The following SBF2 variants were observed in gnomAD, a reference collection of about 807,000 sequenced individuals.
SBF2 encodes the protein SET binding factor 2.
In SBF2, 112 loss-of-function variants were observed where a neutral mutation model predicts 225.2. The ratio of observed to expected loss-of-function variants is 0.50; its 90% confidence interval spans 0.43 to 0.58. The LOEUF is 0.58. SBF2 is among the 20% of genes least tolerant of loss of function. SBF2 has a pLI of 0.00. For synonymous variants in SBF2, 763 were observed against 773.3 expected (o/e 0.99, Z 0.22); for missense variants, 1,996 against 2,206.2 (o/e 0.90, Z 1.91).
intron 15 of SBF2, among the ~76,000 whole-genome samples, chr11:9,962,744 A>G (rs1393474501): frequency 6.6e-6 from 1 of 152,208 alleles, no homozygotes; most frequent in African/African-American, 2.4e-5. Context: ...TAGTTAATTT[A>G]CTTCACATAT....
At chr11:10,190,557 T>A (rs1363420389) in intron 2 of SBF2, among the ~76,000 whole-genome samples, 1 of 152,210 alleles carries the variant, frequency 6.6e-6, no homozygotes, top group African/African-American at 2.4e-5. Flanking sequence ...CAGCATCCTC[T>A]AAATTAAATT....
intron 17 of SBF2, among the ~76,000 whole-genome samples, chr11:9,883,514 T>C (rs990067539): frequency 1.7e-4 from 26 of 152,166 alleles, no homozygotes; most frequent in Admixed American, 3.9e-4. Flanking sequence ...AAGGTTATGA[T>C]TGTGAGGATT....
chr11:9,847,598 T>G (rs1320995316), intron 22 of SBF2, among the ~76,000 whole-genome samples: 1 of 151,898 alleles, frequency 6.6e-6, no homozygotes, highest in Non-Finnish European at 1.5e-5. Context: ...AGAGAATAGG[T>G]TTTTAAAGTT....
intron 17 of SBF2, among the ~76,000 whole-genome samples, chr11:9,871,974 C>T (rs925408503): frequency 5.3e-5 from 8 of 152,148 alleles, no homozygotes; most frequent in Admixed American, 1.3e-4. Context: ...ACTGGGTATA[C>T]GCCCAAAGGA....
chr11:10,019,760 A>G (rs2134590729), intron 6 of SBF2, among the ~76,000 whole-genome samples: 1 of 152,282 alleles, frequency 6.6e-6, no homozygotes, highest in African/African-American at 2.4e-5. Context: ...AGACAGAAAC[A>G]TGATCTGAGG....
At chr11:10,018,232 A>G (rs1478122202) in intron 6 of SBF2, among the ~76,000 whole-genome samples, 4 of 152,152 alleles carry the variant, frequency 2.6e-5, no homozygotes, top group Admixed American at 6.5e-5. Context: ...TATATCATCA[A>G]TCATAAAATT....
intron 13 of SBF2, among the ~76,000 whole-genome samples, chr11:9,979,790 A>C (rs1464857762): frequency 1.3e-5 from 2 of 152,008 alleles, no homozygotes; most frequent in Non-Finnish European, 2.9e-5. Flanking sequence ...TAAGTAATTT[A>C]AAATTGAAAT....
At chr11:9,869,039 A>G (rs1858489851) in intron 17 of SBF2, among the ~76,000 whole-genome samples, 1 of 152,262 alleles carries the variant, frequency 6.6e-6, no homozygotes, top group Non-Finnish European at 1.5e-5. Flanking sequence ...TTCGATCAAG[A>G]GAAACTTTCC....
chr11:9,924,358 G>C (rs1158267936), intron 16 of SBF2, among the ~76,000 whole-genome samples: 1 of 152,170 alleles, frequency 6.6e-6, no homozygotes, highest in Non-Finnish European at 1.5e-5. Context: ...TAAGTGTTCT[G>C]AGCATGTTTA....
chr11:10,082,075 A>G (rs895568052), intron 2 of SBF2, among the ~76,000 whole-genome samples: 2 of 152,222 alleles, frequency 1.3e-5, no homozygotes, highest in Non-Finnish European at 2.9e-5. Flanking sequence ...CAGAAATGCA[A>G]AAGAGCATCA....
At chr11:9,881,608 C>T (rs1478475799) in intron 17 of SBF2, among the ~76,000 whole-genome samples, 4 of 152,102 alleles carry the variant, frequency 2.6e-5, no homozygotes, top group African/African-American at 4.8e-5. Context: ...AACACTTTGG[C>T]ATGGAGCATG....
intron 29 of SBF2, among the ~76,000 whole-genome samples, chr11:9,816,172 ATTG>A (rs1854447336): frequency 6.6e-6 from 1 of 152,176 alleles, no homozygotes; most frequent in Admixed American, 6.5e-5. Context: ...AATTCAAGGA[ATTG>A]TTGTTGCTTT....
rs1271471213 is a variant in SBF2, at chr11:10,294,161, C to CAGCGGCAGT, written c.-101_-93dup. ...CCGGGAGGGCTCAGCATTTTCCCTG[C>CAGCGGCAGT]AGCGGCAGTAGCGGCAGCGGCAGCG... is the stretch of plus-strand genomic sequence containing the variant. On this transcript the variant is annotated 5_prime_UTR_variant, in exon 1 of 40. Coordinates refer to ENST00000256190, the MANE Select transcript of SBF2 (RefSeq NM_030962.4). 17 of 975,922 alleles carry CAGCGGCAGT rather than the reference C, an allele frequency of 1.7e-5. 1 individual carries two copies. The highest frequency in any genetic ancestry group is 3.7e-4 in the Middle Eastern group (1 of 2,722). The allele number at this position is 975,922 out of a possible 1,614,324, so 60.5% of individuals were successfully genotyped here.
rs887959310 is a variant in SBF2 at position 9,968,243 on chromosome 11, T to A, written c.1600+98A>T. On this transcript the variant is annotated intron_variant, in intron 14 of 39. Transcript: ENST00000256190. Reference sequence around the variant, plus strand: ...CTCTGATTCTAGCTACAGGAGTTTGTTCACTTTGTGAAAATTCATCAAATT... The same window carrying A: ...CTCTGATTCTAGCTACAGGAGTTTGATCACTTTGTGAAAATTCATCAAATT... 40 of 1,068,028 alleles carry A rather than the reference T, an allele frequency of 3.7e-5. No individual in the cohort carries two copies. The Admixed American group carries it at 6.4e-4, about 17-fold the overall frequency. The allele number at this position is 1,068,028 out of a possible 1,614,324, so 66.2% of individuals were successfully genotyped here.
chr11:9,984,121 A>G (rs2134443464), intron 13 of SBF2, among the ~76,000 whole-genome samples: 1 of 152,342 alleles, frequency 6.6e-6, no homozygotes, highest in East Asian at 1.9e-4. Flanking sequence ...GTTAGTTACT[A>G]AGCTAATGAG....
chr11:10,139,411 T>C lies in SBF2; in HGVS notation c.141+54491A>G, dbSNP rs117182910. Reference sequence around the variant, plus strand: ...TCATCTGTGATGTCAAAGACTGTAGTCACTAGATATATGAGGCTATTGAAC... The same window carrying C: ...TCATCTGTGATGTCAAAGACTGTAGCCACTAGATATATGAGGCTATTGAAC... On this transcript the variant is annotated intron_variant, in intron 2 of 39. Transcript: ENST00000256190. 6.2e-3 allele frequency among the ~76,000 whole-genome samples: 947 copies of C among 152,260 alleles called. 18 individuals are homozygous for C. Among genetic ancestry groups the C allele is most frequent in the South Asian group, 0.056 (271 of 4,822 alleles).
rs73412820 is a variant in SBF2 at position 10,097,307 on chromosome 11, A to G, written c.142-54326T>C. Among the ~76,000 whole-genome samples the G allele has an allele frequency of 9.0e-3, 1,374 of 152,320 alleles. 26 individuals carry two copies. Among genetic ancestry groups the G allele is most frequent in the African/African-American group, 0.031 (1,286 of 41,562 alleles). ...TAAGCGTGGATTTCCCGGCCTTGAG[A>G]ACTGTGAAGAAATAAATATCTATTC... On this transcript the variant is annotated intron_variant, in intron 2 of 39. Transcript: ENST00000256190.
At chr11:9,792,867 C>T (rs147986348) in intron 33 of SBF2, among the ~76,000 whole-genome samples, 10 of 151,734 alleles carry the variant, frequency 6.6e-5, no homozygotes, top group African/African-American at 9.7e-5. Flanking sequence ...ATCCTCCCAC[C>T]GCAGCCTCCT....
intron 32 of SBF2, among the ~76,000 whole-genome samples, chr11:9,803,475 C>G (rs1302676595): frequency 6.6e-6 from 1 of 152,156 alleles, no homozygotes; most frequent in East Asian, 1.9e-4. Flanking sequence ...CACTCCTCCC[C>G]CCCAGCCCCA....
Sources: allele counts gnomAD v4.1 joint callset (sites outside exome capture counted in the v4.1 genomes callset), GRCh38; gene constraint gnomAD v4.1.1; transcripts MANE v1.5; gene names NCBI Gene and HGNC (gene_info 2026-07-23, HGNC 2026-07-21).